Variants in KIAA1217 observed in about 807,000 individuals in gnomAD.
KIAA1217 encodes the protein sickle tail protein homolog.
Under a neutral mutation model 163.9 loss-of-function variants are expected in KIAA1217, and 88 were observed. That is an observed-to-expected ratio of 0.54 (90% confidence interval 0.45 to 0.64). The LOEUF is 0.64. KIAA1217 is among the 30% of genes least tolerant of loss of function. The pLI, the probability that KIAA1217 is intolerant of heterozygous loss-of-function variation, is 0.00. For synonymous variants in KIAA1217, 903 were observed against 923.1 expected, an observed-to-expected ratio of 0.98 and a Z score of 0.39; for missense variants, 2,372 against 2,475.0, an observed-to-expected ratio of 0.96 and a Z score of 0.88.
chr10:23,854,729 T>C (rs1039480162), intron 1 of KIAA1217, among the ~76,000 whole-genome samples: 1 of 152,202 alleles, frequency 6.6e-6, no homozygotes, highest in Non-Finnish European at 1.5e-5. Flanking sequence ...TTAGGATAGT[T>C]AGCTCTTCTT....
intron 1 of KIAA1217, among the ~76,000 whole-genome samples, chr10:23,892,455 A>G (rs1460655002): frequency 6.6e-6 from 1 of 151,934 alleles, no homozygotes; most frequent in Non-Finnish European, 1.5e-5. Context: ...GATTTGTGGT[A>G]CATTTGGTTT....
intron 9 of KIAA1217, among the ~76,000 whole-genome samples, chr10:24,511,354 GC>G (rs2069138237): frequency 1.3e-5 from 2 of 151,928 alleles, no homozygotes; most frequent in African/African-American, 2.4e-5. Flanking sequence ...TAAAAATGGT[GC>G]TTTTTGGCTG....
chr10:23,758,687 T>C (rs1343732471), intron 1 of KIAA1217, among the ~76,000 whole-genome samples: 5 of 60,902 alleles, frequency 8.2e-5, no homozygotes, highest in African/African-American at 4.4e-4. Flanking sequence ...TCTTTCTTTC[T>C]TTTTTTTTTT....
At chr10:23,853,415 T>C (rs550127023) in intron 1 of KIAA1217, among the ~76,000 whole-genome samples, 124 of 152,156 alleles carry the variant, frequency 8.1e-4, no homozygotes, top group African/African-American at 2.8e-3. Context: ...ATTCGGTTTG[T>C]CAGTATTTTA....
intron 1 of KIAA1217, among the ~76,000 whole-genome samples, chr10:24,004,428 C>T (rs990831480): frequency 6.6e-6 from 1 of 152,040 alleles, no homozygotes; most frequent in African/African-American, 2.4e-5. Context: ...TCCACTTGGC[C>T]ATTTTTAGTA....
chr10:24,330,894 G>T (rs970776907), intron 2 of KIAA1217, among the ~76,000 whole-genome samples: 6 of 152,070 alleles, frequency 3.9e-5, no homozygotes, highest in African/African-American at 1.4e-4. Flanking sequence ...GATTATATGT[G>T]TGAGCCACTG....
At chr10:24,198,583 GAA>G (rs35790678) in intron 2 of KIAA1217, among the ~76,000 whole-genome samples, 5 of 115,002 alleles carry the variant, frequency 4.3e-5, no homozygotes, top group Admixed American at 9.6e-5. Context: ...CTCTTATCTC[GAA>G]AAAAAAAAAA....
intron 1 of KIAA1217, among the ~76,000 whole-genome samples, chr10:23,991,715 G>A (rs940271089): frequency 2.0e-5 from 3 of 152,034 alleles, no homozygotes; most frequent in Non-Finnish European, 2.9e-5. Flanking sequence ...CATGACGTAC[G>A]ATATAATTAC....
At chr10:24,340,957 GAC>G (rs951882098) in intron 2 of KIAA1217, among the ~76,000 whole-genome samples, 1 of 151,460 alleles carries the variant, frequency 6.6e-6, no homozygotes, top group Non-Finnish European at 1.5e-5. Context: ...AAATGTGTCT[GAC>G]ACATGTTATG....
At chr10:24,422,210 T>C (rs2058788530) in intron 3 of KIAA1217, among the ~76,000 whole-genome samples, 1 of 152,200 alleles carries the variant, frequency 6.6e-6, no homozygotes, top group African/African-American at 2.4e-5. Flanking sequence ...ACCAGGTCCC[T>C]CCTATGATAT....
chr10:24,500,221 T>TGTGTC (rs556967529), intron 8 of KIAA1217, among the ~76,000 whole-genome samples: 19 of 102,774 alleles, frequency 1.8e-4, no homozygotes, highest in Admixed American at 6.5e-4. Context: ...GTGTGTGTCT[T>TGTGTC]TATTAGTAAC....
intron 2 of KIAA1217, among the ~76,000 whole-genome samples, chr10:24,379,190 A>C (rs73604472): frequency 0.02 from 3,068 of 152,284 alleles, 104 homozygotes; most frequent in African/African-American, 0.068. Flanking sequence ...AGTAAGGAGG[A>C]AGCTACTTCA....
At chr10:23,718,459 A>G (rs1311126204) in intron 1 of KIAA1217, among the ~76,000 whole-genome samples, 10 of 152,080 alleles carry the variant, frequency 6.6e-5, no homozygotes, top group Non-Finnish European at 1.2e-4. Context: ...GTTTTTTTCC[A>G]TGTTTAAATC....
intron 19 of KIAA1217, 106 bp from the exon 20 acceptor site, chr10:24,544,875 T>C: frequency 8.1e-7 from 1 of 1,233,564 alleles, no homozygotes; most frequent in Non-Finnish European, 1.2e-6. Context: ...CATGTAGGGC[T>C]GTGGCTTCTC....
chr10:24,397,070 T>A (rs2055867614), intron 3 of KIAA1217, among the ~76,000 whole-genome samples: 1 of 151,896 alleles, frequency 6.6e-6, no homozygotes, highest in African/African-American at 2.4e-5. Flanking sequence ...CATCCAGGAG[T>A]TTGTGTTCTG....
At chr10:24,281,464 C>T (rs2077917714) in intron 2 of KIAA1217, among the ~76,000 whole-genome samples, 1 of 152,182 alleles carries the variant, frequency 6.6e-6, no homozygotes, top group African/African-American at 2.4e-5. Context: ...TCAGCATCTT[C>T]TCCCCATCAC....
intron 1 of KIAA1217, among the ~76,000 whole-genome samples, chr10:23,794,134 T>C (rs1250927864): frequency 6.6e-6 from 1 of 152,302 alleles, no homozygotes; most frequent in South Asian, 2.1e-4. Flanking sequence ...TAGACCAAAG[T>C]GCAGTAAGAA....
chr10:24,077,240 T>TA (rs2061397574), intron 2 of KIAA1217, among the ~76,000 whole-genome samples: 1 of 152,084 alleles, frequency 6.6e-6, no homozygotes, highest in African/African-American at 2.4e-5. Context: ...TGTTACCAGG[T>TA]AAAGGTGTGC....
intron 2 of KIAA1217, among the ~76,000 whole-genome samples, chr10:24,305,994 T>A (rs951648048): frequency 2.6e-5 from 4 of 152,160 alleles, no homozygotes; most frequent in Non-Finnish European, 2.9e-5. Context: ...GTGGTACCAA[T>A]GGTCTTACTA....
Sources: gnomAD v4.1 joint callset for allele counts (sites outside exome capture counted in the v4.1 genomes callset) on GRCh38, gnomAD v4.1.1 for gene constraint, MANE v1.5 for transcripts, NCBI Gene and HGNC (gene_info 2026-07-23, HGNC 2026-07-21) for gene names.